Variants in BZW2 observed in about 807,000 individuals in gnomAD.
BZW2 encodes the protein eIF5-mimic protein 1.
A neutral mutation model predicts 53.2 loss-of-function variants in BZW2; 23 were observed. That is an observed-to-expected ratio of 0.43 (90% CI 0.31 to 0.61). The LOEUF (loss-of-function observed/expected upper bound fraction) is 0.61, where lower values mean the gene tolerates loss of function less well. Among genes scored for constraint, BZW2 ranks in the 20% least tolerant of loss-of-function variants. The pLI, the probability that BZW2 is intolerant of heterozygous loss-of-function variation, is 0.09. For missense variants in BZW2, 409 were observed against 503.1 expected, an observed-to-expected ratio of 0.81 and a Z score of 1.79; for synonymous variants, 227 against 186.4, an observed-to-expected ratio of 1.22 and a Z score of -1.77.
intron 10 of BZW2, 114 bp from the exon 11 acceptor site, chr7:16,704,433 A>G: frequency 8.7e-7 from 1 of 1,147,030 alleles, no homozygotes; most frequent in South Asian, 2.3e-5. Context: ...TCTGATAAGT[A>G]ACAGAATGCT....
intron 7 of BZW2, among the ~76,000 whole-genome samples, chr7:16,691,383 T>A (rs778001749): frequency 3.0e-4 from 46 of 152,344 alleles, no homozygotes; most frequent in Non-Finnish European, 5.1e-4. Context: ...GAGGTTCATA[T>A]GAAGGGAACA....
At chr7:16,648,751 C>T (rs1235461633) in intron 1 of BZW2, among the ~76,000 whole-genome samples, 7 of 152,144 alleles carry the variant, frequency 4.6e-5, no homozygotes, top group African/African-American at 1.2e-4. Flanking sequence ...CCCAACCTGC[C>T]GGTAATTTCC....
chr7:16,693,306 C>G (rs1783375963), intron 7 of BZW2, among the ~76,000 whole-genome samples: 1 of 152,060 alleles, frequency 6.6e-6, no homozygotes, highest in Non-Finnish European at 1.5e-5. Context: ...GACGGGCTTC[C>G]CCTCAACTTA....
At chr7:16,686,118 G>A (rs1783116617) in intron 6 of BZW2, 78 bp downstream of exon 6, 2 of 1,556,096 alleles carry the variant, frequency 1.3e-6, no homozygotes, top group South Asian at 2.3e-5. Flanking sequence ...AAATGCCAGT[G>A]GCTCTTTTTG....
At chr7:16,666,133 C>T (rs1226659267) in intron 2 of BZW2, among the ~76,000 whole-genome samples, 1 of 152,024 alleles carries the variant, frequency 6.6e-6, no homozygotes, top group Non-Finnish European at 1.5e-5. Context: ...CTTGCACTGT[C>T]ACCCAGGTTG....
Position 16,674,532 on chromosome 7 carries a change from A to T in BZW2, c.179A>T (p.Asp60Val). 1.2e-6 allele frequency: 2 copies of T among 1,612,300 alleles called. No individual in the cohort carries two copies. The highest frequency in any genetic ancestry group is 1.7e-6 in the Non-Finnish European group (2 of 1,178,872). Residue 60 changes from aspartate (D) to valine (V), a missense_variant, in exon 3 of 12, where the codon GAT becomes GTT. Around this residue, in one of 3 missense-constraint regions of BZW2, gnomAD observed 316 missense variants for 366.8 expected, o/e 0.86. Transcript: ENST00000258761. ...CTGGACTCTACAGGCTCAAGATTAGATTATCGTCGCTATGCAGACACACTC... is the reference window on the plus strand; with the variant it reads ...CTGGACTCTACAGGCTCAAGATTAGTTTATCGTCGCTATGCAGACACACTC... ...KFLDSTGSRL[D>V]YRRYADTLFD...
chr7:16,706,079 G>A lies in BZW2; in HGVS notation c.1251G>A (p.Glu417=), dbSNP rs781256783. The A allele has an allele frequency of 1.2e-4, 198 of 1,613,284 alleles. No homozygotes were observed. Among genetic ancestry groups the A allele is most frequent in the Non-Finnish European group, 1.5e-4 (176 of 1,179,710 alleles). The change falls in exon 12 of 12, where the codon GAG becomes GAA. Residue 417 remains glutamate (E), a synonymous_variant. Transcript: ENST00000258761. ...TCCTAGAATCCGAATCGGAAGGTGA[G>A]GAAAATTAAATGGCTCAACAAGCAC... is the stretch of plus-strand genomic sequence containing the variant. ...NAEEESESEG[E]EN
chr7:16,679,969 T>C (rs1392341845), intron 3 of BZW2, among the ~76,000 whole-genome samples: 1 of 152,174 alleles, frequency 6.6e-6, no homozygotes, highest in African/African-American at 2.4e-5. Context: ...TGGAAAGTTA[T>C]TGAAGAAAAA....
chr7:16,706,011 A>G (rs1783843536), intron 11 of BZW2, 49 bp from the exon 12 acceptor site: 1 of 1,610,160 alleles, frequency 6.2e-7, no homozygotes, highest in African/African-American at 1.3e-5. Context: ...TTTTGACCTT[A>G]ATTAGAGGAA....
chr7:16,684,488 T>C (rs2128363055), intron 5 of BZW2, among the ~76,000 whole-genome samples: 1 of 152,366 alleles, frequency 6.6e-6, no homozygotes, highest in South Asian at 2.1e-4. Context: ...ATCTAATTTT[T>C]GTACCATTTC....
At chr7:16,665,308 G>GAAA in intron 1 of BZW2, 129 bp from the exon 2 acceptor site, 9 of 899,532 alleles carry the variant, frequency 1.0e-5, no homozygotes, top group Admixed American at 2.5e-5. Flanking sequence ...TGTCTCAATT[G>GAAA]AAAAAAAAAA....
At chr7:16,701,084 A>G (rs891256115) in intron 10 of BZW2, among the ~76,000 whole-genome samples, 2 of 152,186 alleles carry the variant, frequency 1.3e-5, no homozygotes, top group Admixed American at 6.5e-5. Flanking sequence ...TACATAAATA[A>G]CAGTGGAATA....
At chr7:16,673,594 T>C (rs970168669) in intron 2 of BZW2, among the ~76,000 whole-genome samples, 9 of 152,148 alleles carry the variant, frequency 5.9e-5, no homozygotes, top group Non-Finnish European at 1.2e-4. Context: ...TATCCATAGA[T>C]TGAACCTCCA....
intron 1 of BZW2, among the ~76,000 whole-genome samples, chr7:16,665,054 G>A (rs988107019): frequency 1.3e-5 from 2 of 152,186 alleles, no homozygotes; most frequent in African/African-American, 2.4e-5. Flanking sequence ...GCTCACGCCT[G>A]TAATCCCAAC....
At chr7:16,681,946 A>G (rs1212095320) in intron 4 of BZW2, among the ~76,000 whole-genome samples, 1 of 152,190 alleles carries the variant, frequency 6.6e-6, no homozygotes, top group East Asian at 1.9e-4. Context: ...CATGTTAAGG[A>G]ATATGTAAGT....
intron 1 of BZW2, among the ~76,000 whole-genome samples, chr7:16,650,617 A>G (rs760694021): frequency 6.6e-5 from 10 of 152,190 alleles, no homozygotes; most frequent in Non-Finnish European, 1.2e-4. Flanking sequence ...TGTGTTTTAG[A>G]TATATTAAAT....
chr7:16,691,064 T>C (rs943887319), intron 7 of BZW2, among the ~76,000 whole-genome samples: 1 of 152,270 alleles, frequency 6.6e-6, no homozygotes, highest in African/African-American at 2.4e-5. Context: ...ATACTTGCAA[T>C]TTAAATCACT....
At position 16,706,155 on chromosome 7, in the gene BZW2, T is replaced by A; in HGVS notation, c.*67T>A. 2 of 1,539,708 alleles carry A rather than the reference T, an allele frequency of 1.3e-6. No individual in the cohort carries two copies. The highest frequency in any genetic ancestry group is 1.8e-6 in the Non-Finnish European group (2 of 1,127,254). The stretch of plus-strand genomic sequence containing the variant: ...TTTTGATTGGGAATGCTGAACCATT[T>A]GAGAAGAGAAACTTGGCTTCTGTTT... On this transcript the variant is annotated 3_prime_UTR_variant, in exon 12 of 12. Coordinates refer to ENST00000258761, the MANE Select transcript of BZW2 (RefSeq NM_014038.3).
At chr7:16,676,027 G>A (rs1782753159) in intron 3 of BZW2, among the ~76,000 whole-genome samples, 1 of 152,194 alleles carries the variant, frequency 6.6e-6, no homozygotes, top group Admixed American at 6.5e-5. Flanking sequence ...GTTACAGTGA[G>A]CTGAGATCGA....
Sources: allele counts gnomAD v4.1 joint callset (sites outside exome capture counted in the v4.1 genomes callset), GRCh38; gene constraint gnomAD v4.1.1; regional missense constraint gnomAD v4.1.1; transcripts MANE v1.5; gene names NCBI Gene and HGNC (gene_info 2026-07-23, HGNC 2026-07-21).